THAP3: variants seen among roughly 807,000 people sequenced by gnomAD.
THAP3 encodes THAP domain-containing protein 3.
Under a neutral mutation model 17.7 loss-of-function variants are expected in THAP3, and 12 were observed. The ratio of observed to expected loss-of-function variants is 0.68; its 90% confidence interval spans 0.43 to 1.10. The LOEUF (loss-of-function observed/expected upper bound fraction) is 1.10, where lower values mean the gene tolerates loss of function less well. Among genes scored for constraint, THAP3 ranks in the 50% least tolerant of loss-of-function variants. THAP3 has a pLI of 0.00. For synonymous variants in THAP3, 133 were observed against 126.9 expected, an observed-to-expected ratio of 1.05 and a Z score of -0.32; for missense variants, 289 against 318.0, an observed-to-expected ratio of 0.91 and a Z score of 0.69.
Position 6,632,847 on chromosome 1 carries a change from C to T in THAP3, c.490C>T (p.Pro164Ser), listed in dbSNP as rs763269589. 1 of 1,612,918 alleles carries T rather than the reference C, an allele frequency of 6.2e-7. No homozygotes were observed. The highest frequency in any genetic ancestry group is 8.5e-7 in the Non-Finnish European group (1 of 1,179,906). The change falls in exon 6 of 6, where the codon CCT becomes TCT. Residue 164 changes from proline to serine, a missense_variant. Physicochemically the swap from Pro to Ser is moderately conservative, Grantham distance 74 (BLOSUM62 -1). Coordinates refer to ENST00000054650, the MANE Select transcript of THAP3 (RefSeq NM_001195753.2). ...ATEAVGRPTG[P>S]AGLRRTPNKQ... ...AGAGGCTGTTGGCCGGCCGACTGGC[C>T]CTGCAGGCCTGAGAAGGACCCCCAA...
intron 4 of THAP3, among the ~76,000 whole-genome samples, chr1:6,631,922 TGCCTGTAGTCCCAGCTACTCAGGAG>T (rs964814010): frequency 1.3e-5 from 2 of 150,654 alleles, no homozygotes; most frequent in African/African-American, 4.9e-5. Context: ...TAGTGGCATG[TGCCTGTAGTCCCAGCTACTCAGGAG>T]GCTGAGGCAG....
downstream of THAP3, chr1:6,635,020 A>AGTT (rs1641734487): frequency 2.2e-6 from 1 of 445,690 alleles, no homozygotes; most frequent in South Asian, 2.8e-5. Context: ...TGGGATCGGG[A>AGTT]GTTACACTAC....
intron 5 of THAP3, 100 bp downstream of exon 5, chr1:6,632,595 G>A (rs147860338): frequency 4.9e-4 from 755 of 1,541,522 alleles, no homozygotes; most frequent in Non-Finnish European, 6.0e-4. Flanking sequence ...CTGTGTGGCC[G>A]AGGCAGGGTG....
At chr1:6,632,736 C>T in intron 5 of THAP3, 60 bp from the exon 6 acceptor site, 2 of 1,598,938 alleles carry the variant, frequency 1.3e-6, no homozygotes, top group East Asian at 2.2e-5. Context: ...GTGGCCTGCT[C>T]ACCATGGCCC....
intron 2 of THAP3, 106 bp downstream of exon 2, chr1:6,625,398 T>C: frequency 9.4e-7 from 1 of 1,063,968 alleles, no homozygotes; most frequent in South Asian, 2.0e-5. Context: ...GTGCGGCCGC[T>C]GGGCCCGGGG....
chr1:6,634,182 A>G (rs1010306320), downstream of THAP3: 9 of 1,254,664 alleles, frequency 7.2e-6, no homozygotes, highest in South Asian at 1.2e-4. Context: ...CTTTCAGGAA[A>G]GGTTTATTGT....
chr1:6,628,589 CT>C lies in THAP3; in HGVS notation c.166del (p.Ser56ProfsTer18), dbSNP rs1314672572. 1 of 1,613,878 alleles carries C rather than the reference CT, an allele frequency of 6.2e-7. No homozygotes were observed. The highest frequency in any genetic ancestry group is 1.7e-5 in the Admixed American group (1 of 60,016). ...FKPKQHTVIC[S>X]EHFRPECFSA... is the part of the protein sequence containing the mutation. Reference sequence around the variant, plus strand: ...AGCCCAAGCAGCACACGGTCATCTGCTCCGAGCACTTCCGGCCAGAGTGCTT... The same window carrying C: ...AGCCCAAGCAGCACACGGTCATCTGCCCGAGCACTTCCGGCCAGAGTGCTT... On this transcript the variant is annotated frameshift_variant, in exon 3 of 6. Coordinates refer to ENST00000054650, the MANE Select transcript of THAP3 (RefSeq NM_001195753.2). LOFTEE classifies it high-confidence loss of function.
intron 2 of THAP3, among the ~76,000 whole-genome samples, chr1:6,627,315 C>T (rs1429656034): frequency 6.6e-6 from 1 of 152,206 alleles, no homozygotes; most frequent in African/African-American, 2.4e-5. Flanking sequence ...CCTGTCACCC[C>T]AGCACATGGA....
intron 2 of THAP3, 119 bp from the exon 3 acceptor site, chr1:6,628,380 A>G: frequency 1.3e-6 from 1 of 765,096 alleles, no homozygotes; most frequent in East Asian, 3.0e-5. Flanking sequence ...ATAAACCGAG[A>G]GGACTGAATG....
At chr1:6,634,537 CT>C, downstream of THAP3, 1 of 1,363,702 alleles carries the variant, frequency 7.3e-7, no homozygotes. Flanking sequence ...CAGCCACCAC[CT>C]GTGCGGCGCT....
chr1:6,632,213 CA>C (rs34491693), intron 4 of THAP3, among the ~76,000 whole-genome samples, 177 bp from the exon 5 acceptor site: 41 of 143,984 alleles, frequency 2.8e-4, no homozygotes, highest in Admixed American at 4.1e-4. Context: ...GAGACTGTCT[CA>C]AAAAAAAAAA....
At chr1:6,625,108 A>G in intron 1 of THAP3, 42 bp from the exon 2 acceptor site, 2 of 1,254,954 alleles carry the variant, frequency 1.6e-6, no homozygotes, top group South Asian at 1.4e-5. Context: ...GAGGCGAGCC[A>G]GGCCCGTCAC....
chr1:6,634,165 G>C (rs1641706965), downstream of THAP3: 2 of 1,354,284 alleles, frequency 1.5e-6, no homozygotes, highest in African/African-American at 2.9e-5. Flanking sequence ...AAGAGCGCCA[G>C]CCTCTGCTTT....
chr1:6,635,568 A>G (rs1271145559), downstream of THAP3: 1 of 1,173,930 alleles, frequency 8.5e-7, no homozygotes, highest in African/African-American at 1.6e-5. Flanking sequence ...TTCTATAATA[A>G]TAATATAAAA....
chr1:6,632,485 A>T lies in THAP3; in HGVS notation c.428A>T (p.His143Leu). The T allele has an allele frequency of 6.2e-7, 1 of 1,614,200 alleles. No homozygotes were observed. The highest frequency in any genetic ancestry group is 8.5e-7 in the Non-Finnish European group (1 of 1,180,030). ...ELQLPPNAEG[H>L]VKQVSPRRPQ... ...CAGTTGCCCCCAAATGCCGAAGGCC[A>T]CGTAAAACAGGTAAGACTGAGTGCA... Residue 143 changes from histidine to leucine, a missense_variant, in exon 5 of 6, where the codon CAC (histidine) becomes CTC (leucine). Coordinates refer to ENST00000054650, the MANE Select transcript of THAP3 (RefSeq NM_001195753.2).
At chr1:6,633,947 A>AT, downstream of THAP3, 1 of 1,401,474 alleles carries the variant, frequency 7.1e-7, no homozygotes, top group Non-Finnish European at 9.9e-7. Context: ...ATTTTGTCTA[A>AT]TTTATAGCTT....
intron 4 of THAP3, among the ~76,000 whole-genome samples, chr1:6,630,648 C>G (rs907330901): frequency 1.3e-5 from 2 of 152,130 alleles, no homozygotes; most frequent in Admixed American, 1.3e-4. Context: ...GATCTCGGCG[C>G]ACTGCAACCT....
At chr1:6,634,513 C>T (rs759752759), downstream of THAP3, 11 of 1,353,920 alleles carry the variant, frequency 8.1e-6, no homozygotes, top group East Asian at 9.3e-5. Context: ...TGGGGCCCCC[C>T]GCGCCAGCTG....
At chr1:6,625,094 C>G in intron 1 of THAP3, 56 bp from the exon 2 acceptor site, 1 of 1,122,230 alleles carries the variant, frequency 8.9e-7, no homozygotes, top group Non-Finnish European at 1.2e-6. Flanking sequence ...ATGAGCGCGC[C>G]CTGGAGGCGA....
Sources: gnomAD v4.1 joint callset for allele counts (sites outside exome capture counted in the v4.1 genomes callset) on GRCh38, gnomAD v4.1.1 for gene constraint, MANE v1.5 for transcripts, NCBI Gene and HGNC (gene_info 2026-07-23, HGNC 2026-07-21) for gene names.